The following SYT1 variants were observed in gnomAD, a reference collection of about 807,000 sequenced individuals.
SYT1 encodes synaptotagmin 1.
In SYT1, 8 loss-of-function variants were observed where a neutral mutation model predicts 44.8. The ratio of observed to expected loss-of-function variants is 0.18; its 90% CI spans 0.10 to 0.32. The LOEUF is 0.32. SYT1 is among the 10% of genes least tolerant of loss of function. SYT1 has a pLI of 1.00. For missense variants in SYT1, 286 were observed against 509.3 expected (o/e 0.56, Z 4.22); for synonymous variants, 154 against 188.8 (o/e 0.82, Z 1.51).
chr12:79,408,776 G>A (rs534216577), intron 9 of SYT1, among the ~76,000 whole-genome samples: 2 of 146,118 alleles, frequency 1.4e-5, no homozygotes, highest in Admixed American at 6.9e-5. Context: ...GTTTGACTAT[G>A]AGTCTATTAT....
chr12:79,381,151 A>G (rs1447024355), intron 9 of SYT1, among the ~76,000 whole-genome samples: 3 of 152,194 alleles, frequency 2.0e-5, no homozygotes, highest in African/African-American at 7.2e-5. Flanking sequence ...AAACATTGGC[A>G]ACGAATGGCC....
intron 9 of SYT1, among the ~76,000 whole-genome samples, chr12:79,399,314 A>G (rs1347379009): frequency 7.2e-5 from 10 of 139,420 alleles, no homozygotes; most frequent in Admixed American, 6.5e-4. Context: ...TTTGCCTTTC[A>G]AAATTCCAAT....
rs571674817 is a variant in SYT1 at position 78,974,941 on chromosome 12, A to G, written c.-216-2858A>G. Reference sequence around the variant, plus strand: ...TAGACCCTTCAGCACAAACTCACCCATGCCCGCCTCCAGCTTCATCATCCT... The same window carrying G: ...TAGACCCTTCAGCACAAACTCACCCGTGCCCGCCTCCAGCTTCATCATCCT... On this transcript the variant is annotated intron_variant, in intron 1 of 10. Coordinates refer to ENST00000261205, the MANE Select transcript of SYT1 (RefSeq NM_005639.3). Among the ~76,000 whole-genome samples, 85 of 152,100 alleles carry G rather than the reference A, an allele frequency of 5.6e-4. 1 individual carries two copies. In the East Asian group the frequency reaches 0.011, roughly 20 times the overall value.
intron 1 of SYT1, among the ~76,000 whole-genome samples, chr12:78,867,138 G>A (rs1436440577): frequency 6.6e-6 from 1 of 151,710 alleles, no homozygotes; most frequent in East Asian, 1.9e-4. Context: ...CAAGGACAAA[G>A]GGACAATCAC....
At chr12:78,875,265 C>A (rs1874006104) in intron 1 of SYT1, among the ~76,000 whole-genome samples, 1 of 151,528 alleles carries the variant, frequency 6.6e-6, no homozygotes, top group South Asian at 2.1e-4. Flanking sequence ...ATATGCCAGG[C>A]ACCATTTGGA....
intron 1 of SYT1, among the ~76,000 whole-genome samples, chr12:78,927,664 A>T (rs1223390989): frequency 6.6e-6 from 1 of 152,170 alleles, no homozygotes; most frequent in Non-Finnish European, 1.5e-5. Flanking sequence ...AATTGTTAGC[A>T]TGGCAAGGAA....
chr12:79,244,393 C>T (rs1431437925), intron 4 of SYT1, among the ~76,000 whole-genome samples: 1 of 152,132 alleles, frequency 6.6e-6, no homozygotes, highest in Non-Finnish European at 1.5e-5. Context: ...GCACAGGAAA[C>T]ATCAATATTT....
At chr12:78,968,148 C>CAATGTGG (rs1219156883) in intron 1 of SYT1, among the ~76,000 whole-genome samples, 1 of 151,936 alleles carries the variant, frequency 6.6e-6, no homozygotes, top group African/African-American at 2.4e-5. Context: ...AAATAGGATG[C>CAATGTGG]AATGTGGAAT....
chr12:79,057,874 C>T (rs1875083357), intron 3 of SYT1, among the ~76,000 whole-genome samples: 1 of 151,908 alleles, frequency 6.6e-6, no homozygotes. Context: ...ATAAAAACAA[C>T]AACAACAAAA....
In SYT1 at chr12:79,070,713, G is replaced by T. The variant is rs138975867; in HGVS notation, c.-18+23351G>T. Among the ~76,000 whole-genome samples the T allele has an allele frequency of 7.8e-3, 1,185 of 152,118 alleles. 6 individuals are homozygous for T. Among genetic ancestry groups the T allele is most frequent in the Non-Finnish European group, 0.011 (725 of 67,992 alleles). On this transcript the variant is annotated intron_variant, in intron 3 of 10. Coordinates refer to ENST00000261205, the MANE Select transcript of SYT1 (RefSeq NM_005639.3). The stretch of plus-strand genomic sequence containing the variant: ...AAACACGGGAACAACAGATACTGGG[G>T]ATTACTGAAGAGGAAAGACAGCGAC...
At chr12:79,086,242 C>G (rs1478648701) in intron 3 of SYT1, among the ~76,000 whole-genome samples, 1 of 152,016 alleles carries the variant, frequency 6.6e-6, no homozygotes, top group Admixed American at 6.6e-5. Flanking sequence ...TAACACTTGT[C>G]TGGCACAAGG....
chr12:79,152,321 A>G (rs1168448577), intron 3 of SYT1, among the ~76,000 whole-genome samples: 1 of 152,128 alleles, frequency 6.6e-6, no homozygotes, highest in Non-Finnish European at 1.5e-5. Context: ...AATGGTTTTT[A>G]GGACATAGGA....
chr12:79,300,183 T>C (rs1025888895), intron 8 of SYT1, among the ~76,000 whole-genome samples: 2 of 152,218 alleles, frequency 1.3e-5, no homozygotes, highest in African/African-American at 4.8e-5. Context: ...GGAAGTTCAA[T>C]ATGTTTAGTG....
intron 6 of SYT1, among the ~76,000 whole-genome samples, chr12:79,292,687 A>G (rs1879646212): frequency 6.6e-6 from 1 of 152,192 alleles, no homozygotes; most frequent in African/African-American, 2.4e-5. Flanking sequence ...AGAGTGAGAA[A>G]ACCAGAGACT....
intron 1 of SYT1, among the ~76,000 whole-genome samples, chr12:78,876,490 C>T (rs544997950): frequency 4.9e-4 from 51 of 103,636 alleles, no homozygotes; most frequent in African/African-American, 1.8e-3. Flanking sequence ...TTTTGCCAAA[C>T]TACTCTGCTC....
At chr12:79,184,357 C>A (rs765857493) in intron 3 of SYT1, among the ~76,000 whole-genome samples, 22 of 151,972 alleles carry the variant, frequency 1.4e-4, no homozygotes, top group Non-Finnish European at 3.1e-4. Context: ...GGAACTTATG[C>A]CTTTATTAGT....
chr12:78,955,798 AT>A (rs1044376407), intron 1 of SYT1, among the ~76,000 whole-genome samples: 57 of 112,962 alleles, frequency 5.0e-4, no homozygotes, highest in African/African-American at 7.1e-4. Flanking sequence ...CTGCCAAGAT[AT>A]TTGTGTGTGT....
At chr12:79,312,506 T>A (rs983894051) in intron 8 of SYT1, among the ~76,000 whole-genome samples, 1 of 152,084 alleles carries the variant, frequency 6.6e-6, no homozygotes, top group Admixed American at 6.5e-5. Context: ...GCTAGAATTT[T>A]CCCTTTTGAT....
chr12:79,016,573 T>C (rs1281515128), intron 2 of SYT1, among the ~76,000 whole-genome samples: 1 of 152,138 alleles, frequency 6.6e-6, no homozygotes, highest in Admixed American at 6.6e-5. Flanking sequence ...TCAGAAAGAT[T>C]ATCCTCTGGT....
Sources: allele counts gnomAD v4.1 joint callset (sites outside exome capture counted in the v4.1 genomes callset), GRCh38; gene constraint gnomAD v4.1.1; transcripts MANE v1.5; gene names NCBI Gene and HGNC (gene_info 2026-07-23, HGNC 2026-07-21).